DRC3: variants seen among roughly 807,000 people sequenced by gnomAD.
The protein encoded by DRC3 is leucine rich repeat containing 48.
In DRC3, 45 loss-of-function variants were observed where a neutral mutation model predicts 57.6. That is an observed-to-expected ratio of 0.78 (90% CI 0.62 to 1.00). The LOEUF (loss-of-function observed/expected upper bound fraction) is 1.00, where lower values mean the gene tolerates loss of function less well. Among genes scored for constraint, DRC3 ranks in the 50% least tolerant of loss-of-function variants. DRC3 has a pLI of 0.00. For missense variants in DRC3, 655 were observed against 675.2 expected (o/e 0.97, Z 0.33); for synonymous variants, 257 against 272.3 (o/e 0.94, Z 0.55).
At chr17:17,994,076 G>C (rs1038387080) in intron 6 of DRC3, 2 of 515,278 alleles carry the variant, frequency 3.9e-6, no homozygotes, top group African/African-American at 3.9e-5. Context: ...GCTCCTCCTG[G>C]TCTTTCCCTG....
chr17:18,008,630 GACAGACACCCA>G lies in DRC3; in HGVS notation c.1326+1487_1326+1497del, dbSNP rs2044062008. ...TCCACAGCCTCTGTCCTGGGGCCCAGACAGACACCCAACATAGCAGTGTGGTGATAGGGTCA... is the reference window on the plus strand; with the variant it reads ...TCCACAGCCTCTGTCCTGGGGCCCAGACATAGCAGTGTGGTGATAGGGTCA... On this transcript the variant is annotated intron_variant, in intron 12 of 13. Coordinates refer to ENST00000399187, the MANE Select transcript of DRC3 (RefSeq NM_031294.4). The surrounding 1 kb of genome is among the most constrained non-coding windows in gnomAD (Gnocchi z 4.3). Among the ~76,000 whole-genome samples the G allele has an allele frequency of 1.3e-5, 2 of 152,248 alleles. No individual in the cohort carries two copies. The highest frequency in any genetic ancestry group is 4.8e-5 in the African/African-American group (2 of 41,460).
intron 3 of DRC3, chr17:17,981,346 G>A (rs4072739): frequency 0.44 from 97,489 of 223,260 alleles, 23,530 homozygotes; most frequent in South Asian, 0.74. Flanking sequence ...TCTCATGATG[G>A]CGATGGCATT....
Position 17,988,052 on chromosome 17 carries a change from T to A in DRC3, c.398T>A (p.Leu133Gln). 2 of 1,613,966 alleles carry A rather than the reference T, an allele frequency of 1.2e-6. No individual in the cohort carries two copies. The highest frequency in any genetic ancestry group is 8.5e-7 in the Non-Finnish European group (1 of 1,179,894). The change falls in exon 5 of 14, where the codon CTG becomes CAG. Residue 133 changes from leucine to glutamine, a missense_variant. By Grantham distance (113) the Leu-to-Gln change is moderately radical. Coordinates refer to ENST00000399187, the MANE Select transcript of DRC3 (RefSeq NM_031294.4). ...GACTCCCTGGACGCCCTCGTCAAGC[T>A]GCAGGTGTTGTCGCTGGGCAACAAC... ...KIDSLDALVK[L>Q]QVLSLGNNRI... is the part of the protein sequence containing the mutation.
chr17:17,997,881 A>G (rs556576656), intron 9 of DRC3, among the ~76,000 whole-genome samples: 1 of 152,314 alleles, frequency 6.6e-6, no homozygotes, highest in East Asian at 1.9e-4. Flanking sequence ...TTTGTCACAC[A>G]AAGTGCCCTT....
intron 8 of DRC3, among the ~76,000 whole-genome samples, chr17:17,996,641 C>A (rs2043470482): frequency 6.6e-6 from 1 of 152,120 alleles, no homozygotes; most frequent in Admixed American, 6.5e-5. Flanking sequence ...TAAAAAAAAC[C>A]AAACACACCT....
In DRC3 at chr17:18,008,603, C is replaced by T. The variant is rs1011004555; in HGVS notation, c.1326+1456C>T. On this transcript the variant is annotated intron_variant, in intron 12 of 13. Coordinates refer to ENST00000399187, the MANE Select transcript of DRC3 (RefSeq NM_031294.4). This position sits in a 1 kb window ranked among gnomAD's most constrained non-coding sequence, Gnocchi z 4.3. ...GACACACAGGACCAGCAGTCCCTGACTTCCACAGCCTCTGTCCTGGGGCCC... is the reference window on the plus strand; with the variant it reads ...GACACACAGGACCAGCAGTCCCTGATTTCCACAGCCTCTGTCCTGGGGCCC... 6.6e-5 allele frequency among the ~76,000 whole-genome samples: 10 copies of T among 152,254 alleles called. No homozygotes were observed. The highest frequency in any genetic ancestry group is 1.0e-4 in the Non-Finnish European group (7 of 68,052).
chr17:17,980,861 G>A (rs979474609), intron 3 of DRC3, among the ~76,000 whole-genome samples: 1 of 152,110 alleles, frequency 6.6e-6, no homozygotes, highest in Non-Finnish European at 1.5e-5. Flanking sequence ...CCAAAGTGCT[G>A]GGATTACACG....
At position 17,987,954 on chromosome 17, in the gene DRC3, G is replaced by A; in HGVS notation, c.300G>A (p.Glu100=). The A allele has an allele frequency of 2.5e-6, 4 of 1,613,930 alleles. No homozygotes were observed. Among genetic ancestry groups the A allele is most frequent in the Non-Finnish European group, 3.4e-6 (4 of 1,179,880 alleles). The change falls in exon 5 of 14, where the codon GAG becomes GAA. Residue 100 remains glutamate (E), a synonymous_variant. Coordinates refer to ENST00000399187, the MANE Select transcript of DRC3 (RefSeq NM_031294.4). ...VWLDLSFNNI[E]TIEGLDTLVN... Reference sequence around the variant, plus strand: ...CAGATCTGTCTTTCAACAACATTGAGACCATCGAGGGGCTGGACACACTGG... The same window carrying A: ...CAGATCTGTCTTTCAACAACATTGAAACCATCGAGGGGCTGGACACACTGG...
At chr17:18,001,529 T>C (rs147130271) in intron 9 of DRC3, among the ~76,000 whole-genome samples, 72 of 152,126 alleles carry the variant, frequency 4.7e-4, no homozygotes, top group African/African-American at 1.7e-3. Flanking sequence ...TGTTATTACT[T>C]TGTAGGAGCT....
At chr17:17,987,832 G>C (rs2043032306) in intron 4 of DRC3, 100 bp from the exon 5 acceptor site, 1 of 1,275,208 alleles carries the variant, frequency 7.8e-7, no homozygotes. Flanking sequence ...GCAGCTTGGT[G>C]CTGGCTCACA....
intron 2 of DRC3, 70 bp from the exon 3 acceptor site, chr17:17,977,512 A>C: frequency 6.3e-7 from 1 of 1,582,268 alleles, no homozygotes; most frequent in Non-Finnish European, 8.6e-7. Flanking sequence ...ACAGGGGGAA[A>C]CCTCAGCCAG....
In DRC3 at chr17:17,992,822, A is replaced by G. The variant is rs760031676; in HGVS notation, c.502A>G (p.Ile168Val). 1.9e-6 allele frequency: 3 copies of G among 1,613,730 alleles called. No individual in the cohort carries two copies. The highest frequency in any genetic ancestry group is 2.2e-5 in the East Asian group (1 of 44,886). The part of the protein sequence containing the change: ...LRTLSLSRNP[I>V]SEAEDYKMFI... Reference sequence around the variant, plus strand: ...GACGCTCAGCCTCTCTAGGAACCCTATCTCTGAGGCAGAGGATTACAAGAT... The same window carrying G: ...GACGCTCAGCCTCTCTAGGAACCCTGTCTCTGAGGCAGAGGATTACAAGAT... The change falls in exon 6 of 14, where the codon ATC becomes GTC. Residue 168 changes from isoleucine (I) to valine (V), a missense_variant. Coordinates refer to ENST00000399187, the MANE Select transcript of DRC3 (RefSeq NM_031294.4).
At chr17:18,005,641 G>A (rs2043921505) in intron 10 of DRC3, 2 of 154,600 alleles carry the variant, frequency 1.3e-5, no homozygotes, top group African/African-American at 4.8e-5. Context: ...AAAGCATTTT[G>A]TGTGAAGTGA....
chr17:18,016,008 T>C (rs2044347724), intron 12 of DRC3, 56 bp from the exon 13 acceptor site: 2 of 1,591,330 alleles, frequency 1.3e-6, no homozygotes, highest in Non-Finnish European at 1.7e-6. Flanking sequence ...TCAGCTCCCT[T>C]TGTGTTCACG....
At chr17:17,997,658 C>T in intron 9 of DRC3, 24 bp downstream of exon 9, 2 of 1,564,090 alleles carry the variant, frequency 1.3e-6, no homozygotes, top group Non-Finnish European at 1.7e-6. Context: ...CTCCTGAGGC[C>T]CTCCCTGTCT....
At chr17:17,986,693 C>T (rs2042975321) in intron 4 of DRC3, among the ~76,000 whole-genome samples, 2 of 151,932 alleles carry the variant, frequency 1.3e-5, no homozygotes, top group East Asian at 1.9e-4. Flanking sequence ...GAACTCCTGA[C>T]CCCCAAGTGA....
At chr17:18,012,857 AAC>A (rs2044217093) in intron 12 of DRC3, among the ~76,000 whole-genome samples, 1 of 152,208 alleles carries the variant, frequency 6.6e-6, no homozygotes, top group African/African-American at 2.4e-5. Flanking sequence ...CAAATGAAAC[AAC>A]AGAGTGAAAA....
At chr17:17,987,196 C>T (rs2043000257) in intron 4 of DRC3, among the ~76,000 whole-genome samples, 1 of 117,996 alleles carries the variant, frequency 8.5e-6, no homozygotes, top group South Asian at 2.8e-4. Flanking sequence ...GTCTGCACAA[C>T]AGAGCGAGAC....
At chr17:17,992,654 ATGG>A (rs2043285793) in intron 5 of DRC3, 108 bp from the exon 6 acceptor site, 1 of 1,195,488 alleles carries the variant, frequency 8.4e-7, no homozygotes, top group South Asian at 1.5e-5. Context: ...CCCAGTGCTG[ATGG>A]TGCTGTGGCC....
Sources: allele counts gnomAD v4.1 joint callset (sites outside exome capture counted in the v4.1 genomes callset), GRCh38; gene constraint gnomAD v4.1.1; non-coding constraint Gnocchi (gnomAD v3.1); transcripts MANE v1.5; gene names NCBI Gene and HGNC (gene_info 2026-07-23, HGNC 2026-07-21).